Variants in NFIB observed in about 807,000 individuals in gnomAD.
The protein encoded by NFIB is nuclear factor I B, also known as nuclear factor 1 B-type.
Under a neutral mutation model 61.5 loss-of-function variants are expected in NFIB, and 11 were observed. That is an observed-to-expected ratio of 0.18 (90% CI 0.11 to 0.30). The LOEUF (loss-of-function observed/expected upper bound fraction) is 0.30. Ranked by LOEUF, NFIB falls within the 10% of genes least tolerant of loss-of-function variation. The pLI is 1.00. For synonymous variants in NFIB, 260 were observed against 216.5 expected (o/e 1.20, Z -1.76); for missense variants, 471 against 608.9 (o/e 0.77, Z 2.38).
intron 3 of NFIB, among the ~76,000 whole-genome samples, chr9:14,169,802 A>G (rs1398239192): frequency 1.3e-5 from 2 of 152,192 alleles, no homozygotes; most frequent in Non-Finnish European, 1.5e-5. Flanking sequence ...TGGGCAACAG[A>G]GCAAGACTCC....
At position 14,199,560 on chromosome 9, in the gene NFIB, G is replaced by A. The variant is rs533622708; in HGVS notation, c.563-19780C>T. On this transcript the variant is annotated intron_variant, in intron 2 of 10. Coordinates refer to ENST00000380953, the MANE Select transcript of NFIB (RefSeq NM_001190737.2). Reference sequence around the variant, plus strand: ...GCAGCATCTTAGAATGTTAAGAGCTGGAAAAATTAAAAACAAAACAGCAAA... The same window carrying A: ...GCAGCATCTTAGAATGTTAAGAGCTAGAAAAATTAAAAACAAAACAGCAAA... Among the ~76,000 whole-genome samples, 18 of 152,288 alleles carry A rather than the reference G, an allele frequency of 1.2e-4. No individual in the cohort carries two copies. In the South Asian group the frequency reaches 3.7e-3, roughly 32 times the overall value.
At chr9:14,325,356 A>G (rs1181030659) in intron 1 of NFIB, among the ~76,000 whole-genome samples, 2 of 152,120 alleles carry the variant, frequency 1.3e-5, no homozygotes, top group African/African-American at 2.4e-5. Flanking sequence ...ATACACTTGC[A>G]GTTAAGATTT....
intron 2 of NFIB, among the ~76,000 whole-genome samples, chr9:14,243,158 G>C (rs4606155): frequency 1 from 151,696 of 152,298 alleles, 75,549 homozygotes; most frequent in Middle Eastern, 1. Context: ...AAATTTAAAT[G>C]ACATTCCTTC....
At chr9:14,204,388 C>G in intron 2 of NFIB, 1 of 1,085,902 alleles carries the variant, frequency 9.2e-7, no homozygotes, top group Non-Finnish European at 1.4e-6. Flanking sequence ...ACATCCAGCC[C>G]AAAAGAGACC....
At position 14,146,785 on chromosome 9, in the gene NFIB, T is replaced by C. The variant is rs746829464; in HGVS notation, c.829A>G (p.Ile277Val). ...PSSKRPKTISIDENMEPSPTG... is the reference protein window; with the variant it reads ...PSSKRPKTISVDENMEPSPTG... Reference sequence around the variant, plus strand: ...GGACTTGGTTCCATATTTTCATCTATGGATATAGTTTTGGGTCTTTTGCTG... The same window carrying C: ...GGACTTGGTTCCATATTTTCATCTACGGATATAGTTTTGGGTCTTTTGCTG... Residue 277 changes from isoleucine to valine, a missense_variant, in exon 6 of 11, where the codon ATA becomes GTA. Ile to Val is a conservative substitution (Grantham distance 29). This residue lies in a region of NFIB where 372 missense variants were observed against 395.6 expected (regional missense o/e 0.94). Coordinates refer to ENST00000380953, the MANE Select transcript of NFIB (RefSeq NM_001190737.2). 14 of 1,604,848 alleles carry C rather than the reference T, an allele frequency of 8.7e-6. No homozygotes were observed. The African/African-American group carries it at 1.5e-4, about 17-fold the overall frequency.
chr9:14,276,913 C>CA (rs924590709), intron 2 of NFIB, among the ~76,000 whole-genome samples: 7 of 151,456 alleles, frequency 4.6e-5, no homozygotes, highest in African/African-American at 1.2e-4. Flanking sequence ...AATCAGGCCA[C>CA]AAAAAAATAC....
chr9:14,246,935 C>T (rs1410245915), intron 2 of NFIB, among the ~76,000 whole-genome samples: 1 of 152,138 alleles, frequency 6.6e-6, no homozygotes. Flanking sequence ...GGTTTAGTAT[C>T]CCTACAAAGA....
At chr9:14,218,258 GA>G (rs999789751) in intron 2 of NFIB, among the ~76,000 whole-genome samples, 50 of 152,222 alleles carry the variant, frequency 3.3e-4, no homozygotes, top group African/African-American at 1.1e-3. Context: ...AAAATAAAAT[GA>G]TTTTTTTTAA....
chr9:14,354,060 G>C (rs2132923569), intron 1 of NFIB, among the ~76,000 whole-genome samples: 1 of 152,142 alleles, frequency 6.6e-6, no homozygotes, highest in Middle Eastern at 3.4e-3. Context: ...TGTCTGTAAG[G>C]TGTTGTCTGA....
Position 14,097,541 on chromosome 9 carries a change from A to C in NFIB, c.1468-9215T>G, listed in dbSNP as rs565177561. 2.0e-5 allele frequency among the ~76,000 whole-genome samples: 3 copies of C among 152,284 alleles called. No individual in the cohort carries two copies. The East Asian group carries it at 5.8e-4, about 29-fold the overall frequency. ...ATGTTCTAAGTGTAATGTTGAAATAAAAGTTAACTCTTTATATTACCTAAG... is the reference window on the plus strand; with the variant it reads ...ATGTTCTAAGTGTAATGTTGAAATACAAGTTAACTCTTTATATTACCTAAG... On this transcript the variant is annotated intron_variant, in intron 10 of 10. Coordinates refer to ENST00000380953, the MANE Select transcript of NFIB (RefSeq NM_001190737.2).
At chr9:14,287,165 C>T (rs2132494723) in intron 2 of NFIB, among the ~76,000 whole-genome samples, 1 of 152,134 alleles carries the variant, frequency 6.6e-6, no homozygotes, top group East Asian at 2.0e-4. Flanking sequence ...GGCGCGGTGG[C>T]TCACACCTGT....
At chr9:14,449,693 G>C in the NFIB span, among the ~76,000 whole-genome samples, 1 of 152,086 alleles carries the variant, frequency 6.6e-6, no homozygotes, top group Non-Finnish European at 1.5e-5. Context: ...AATTTGGGAG[G>C]CTGAGGCGGG....
chr9:14,235,688 T>G (rs2053667581), intron 2 of NFIB, among the ~76,000 whole-genome samples: 1 of 152,218 alleles, frequency 6.6e-6, no homozygotes, highest in African/African-American at 2.4e-5. Flanking sequence ...GAATTACAAT[T>G]AGGTGCTAAA....
chr9:14,220,430 A>G lies in NFIB; in HGVS notation c.563-40650T>C, dbSNP rs77800501. 9.9e-3 allele frequency among the ~76,000 whole-genome samples: 1,511 copies of G among 152,310 alleles called. 9 individuals are homozygous for G. Among genetic ancestry groups the G allele is most frequent in the Non-Finnish European group, 0.017 (1,179 of 68,020 alleles). On this transcript the variant is annotated intron_variant, in intron 2 of 10. Coordinates refer to ENST00000380953, the MANE Select transcript of NFIB (RefSeq NM_001190737.2). ...TATTGTACTAGGGGAAAGACATGGC[A>G]TTCTCCAAATATTATTGAGAGGCAT...
At chr9:14,150,026 C>T in intron 5 of NFIB, 119 bp downstream of exon 5, 1 of 1,407,746 alleles carries the variant, frequency 7.1e-7, no homozygotes, top group Admixed American at 2.3e-5. Context: ...AATCTGTGTA[C>T]TACCAGCAAA....
At chr9:14,271,985 T>C (rs943415759) in intron 2 of NFIB, among the ~76,000 whole-genome samples, 3 of 152,170 alleles carry the variant, frequency 2.0e-5, no homozygotes, top group African/African-American at 7.2e-5. Context: ...TGTCATGAAG[T>C]TATTGCATTT....
chr9:14,305,217 G>A (rs979616655), intron 2 of NFIB, among the ~76,000 whole-genome samples: 1 of 152,060 alleles, frequency 6.6e-6, no homozygotes. Context: ...CCTTCCCCAG[G>A]AGTAAATGTG....
chr9:14,424,677 C>T, the NFIB span, among the ~76,000 whole-genome samples: 2 of 152,162 alleles, frequency 1.3e-5, no homozygotes, highest in Admixed American at 6.5e-5. Flanking sequence ...GAGGCTGGAG[C>T]CATGGGTCTT....
At chr9:14,471,392 C>G in the NFIB span, among the ~76,000 whole-genome samples, 1 of 152,188 alleles carries the variant, frequency 6.6e-6, no homozygotes, top group Admixed American at 6.5e-5. Flanking sequence ...GCTGCAGAGT[C>G]AAATGTGTAC....
Sources: allele counts gnomAD v4.1 joint callset (sites outside exome capture counted in the v4.1 genomes callset), GRCh38; gene constraint gnomAD v4.1.1; regional missense constraint gnomAD v4.1.1; transcripts MANE v1.5; gene names NCBI Gene and HGNC (gene_info 2026-07-23, HGNC 2026-07-21).